The following LAMA2 variants were observed in gnomAD, a reference collection of about 807,000 sequenced individuals.
The protein encoded by LAMA2 is laminin subunit alpha-2.
A neutral mutation model predicts 364.8 loss-of-function variants in LAMA2; 269 were observed. The ratio of observed to expected loss-of-function variants is 0.74; its 90% CI spans 0.67 to 0.82. LAMA2 has a LOEUF of 0.82. Among genes scored for constraint, LAMA2 ranks in the 40% least tolerant of loss-of-function variants. The pLI, the probability that LAMA2 is intolerant of heterozygous loss-of-function variation, is 0.00. For synonymous variants in LAMA2, 1,379 were observed against 1,370.6 expected, an observed-to-expected ratio of 1.01 and a Z score of -0.14; for missense variants, 3,807 against 3,873.2, an observed-to-expected ratio of 0.98 and a Z score of 0.45.
chr6:129,302,912 G>A lies in LAMA2; in HGVS notation c.3174+2040G>A, dbSNP rs115685877. Among the ~76,000 whole-genome samples, 1,306 of 152,108 alleles carry A rather than the reference G, an allele frequency of 8.6e-3. 18 individuals carry two copies. The highest frequency in any genetic ancestry group is 0.03 in the African/African-American group (1,255 of 41,516). ...TGTAAATTCCTCAACCTCATTCATC[G>A]TTTCCAATACCTTTTGAGTACTTTA... On this transcript the variant is annotated intron_variant, in intron 22 of 64. Transcript: ENST00000421865.
chr6:129,300,916 T>G, intron 22 of LAMA2, 44 bp downstream of exon 22: 1 of 1,604,046 alleles, frequency 6.2e-7, no homozygotes, highest in East Asian at 2.2e-5. Flanking sequence ...TTGGAGAGAT[T>G]TTTGTTTTGT....
At chr6:129,124,703 TA>T (rs1174647272) in intron 4 of LAMA2, among the ~76,000 whole-genome samples, 11 of 152,170 alleles carry the variant, frequency 7.2e-5, no homozygotes, top group Non-Finnish European at 1.2e-4. Flanking sequence ...ATCTTTTTCA[TA>T]AAAAAAATTT....
At chr6:129,127,656 G>GT (rs1256790481) in intron 4 of LAMA2, among the ~76,000 whole-genome samples, 3 of 152,082 alleles carry the variant, frequency 2.0e-5, no homozygotes, top group East Asian at 1.9e-4. Context: ...CAAGGATTCT[G>GT]TTTTTTCCAT....
Position 129,312,905 on chromosome 6 carries a change from T to A in LAMA2, c.3219T>A (p.Asn1073Lys), listed in dbSNP as rs756883648. The A allele has an allele frequency of 6.2e-7, 1 of 1,614,172 alleles. No homozygotes were observed. The highest frequency in any genetic ancestry group is 2.2e-5 in the East Asian group (1 of 44,888). ...TGGGATCCTTGGATTTCCAATGCAA[T>A]GTAAATACAGGCCAATGCAACTGTC... ...STVGSLDFQC[N>K]VNTGQCNCHP... Residue 1073 changes from asparagine (N) to lysine (K), a missense_variant, in exon 23 of 65, where the codon AAT becomes AAA. Physicochemically the swap from Asn to Lys is moderately conservative, Grantham distance 94. Around this residue, in one of 3 missense-constraint regions of LAMA2, gnomAD observed 3,333 missense variants for 3,345.7 expected, o/e 1.00. Transcript: ENST00000421865.
chr6:129,149,882 T>C (rs139969448), intron 7 of LAMA2, among the ~76,000 whole-genome samples: 190 of 152,294 alleles, frequency 1.2e-3, no homozygotes, highest in Non-Finnish European at 1.8e-3. Flanking sequence ...TGATCTAAAG[T>C]GTACAGGAGG....
intron 29 of LAMA2, among the ~76,000 whole-genome samples, chr6:129,340,242 T>A (rs1174083645): frequency 6.6e-6 from 1 of 152,102 alleles, no homozygotes; most frequent in Non-Finnish European, 1.5e-5. Flanking sequence ...AATGTCTTTT[T>A]AAAAGCTTAT....
At chr6:129,191,858 TA>T (rs1781538975) in intron 11 of LAMA2, among the ~76,000 whole-genome samples, 1 of 152,360 alleles carries the variant, frequency 6.6e-6, no homozygotes, top group South Asian at 2.1e-4. Context: ...GCTGGTACCC[TA>T]AGCCCTCAGT....
intron 34 of LAMA2, among the ~76,000 whole-genome samples, chr6:129,379,548 C>T (rs1205248694): frequency 6.6e-6 from 1 of 152,106 alleles, no homozygotes; most frequent in Non-Finnish European, 1.5e-5. Flanking sequence ...AGCTCTTCTT[C>T]TGTGTTTAGA....
At position 129,465,147 on chromosome 6, in the gene LAMA2, A is replaced by T; in HGVS notation, c.7158A>T (p.Arg2386Ser). The stretch of plus-strand genomic sequence containing the variant: ...GGGTATGTTTACTCTATTAATAGAG[A>T]GATTTCATGAGTGTGGAGCTCACTG... ...LLMYLATRDL[R>S]DFMSVELTDG... The change falls in exon 51 of 65, where the codon AGA becomes AGT. Residue 2386 changes from arginine (R) to serine (S), a missense_variant and splice_region_variant. Coordinates refer to ENST00000421865, the MANE Select transcript of LAMA2 (RefSeq NM_000426.4). 2.5e-6 allele frequency: 4 copies of T among 1,609,048 alleles called. No homozygotes were observed. The highest frequency in any genetic ancestry group is 3.4e-6 in the Non-Finnish European group (4 of 1,176,004).
intron 51 of LAMA2, among the ~76,000 whole-genome samples, chr6:129,468,588 G>T (rs1783657895): frequency 6.6e-6 from 1 of 151,874 alleles, no homozygotes; most frequent in South Asian, 2.1e-4. Flanking sequence ...CTTACATAAA[G>T]TTGAAAAATG....
At chr6:128,901,042 A>T (rs1226416729) in intron 1 of LAMA2, among the ~76,000 whole-genome samples, 1 of 152,230 alleles carries the variant, frequency 6.6e-6, no homozygotes, top group East Asian at 1.9e-4. Context: ...CAGTGGTCCC[A>T]GCTACTCAGG....
At chr6:129,369,460 T>C (rs1378769877) in intron 33 of LAMA2, among the ~76,000 whole-genome samples, 2 of 152,024 alleles carry the variant, frequency 1.3e-5, no homozygotes, top group African/African-American at 4.8e-5. Context: ...TTCTCTTTTT[T>C]ACCTGTGATC....
Position 129,473,350 on chromosome 6 carries a change from G to A in LAMA2, c.7437G>A (p.Leu2479=). Residue 2479 remains leucine (L), a splice_region_variant and synonymous_variant, in exon 52 of 65, where the codon TTG becomes TTA. Coordinates refer to ENST00000421865, the MANE Select transcript of LAMA2 (RefSeq NM_000426.4). The stretch of plus-strand genomic sequence containing the variant: ...GTGGCCTGCCAACGCTGAGAAACTT[G>A]AGGTAATTTAGTTTATATGTAAAGC... The part of the protein sequence containing the change: ...YFGGLPTLRN[L]SMKARPEVNL... 6.2e-7 allele frequency: 1 copy of A among 1,612,096 alleles called. No homozygotes were observed. Among genetic ancestry groups the A allele is most frequent in the Non-Finnish European group, 8.5e-7 (1 of 1,178,676 alleles).
chr6:129,059,863 C>T lies in LAMA2; in HGVS notation c.363C>T (p.Tyr121=), dbSNP rs535635043. ...CCAGTATTAAGAATGGAATCGAATACCATTATGTGACAATTACCCTGGATT... is the reference window on the plus strand; with the variant it reads ...CCAGTATTAAGAATGGAATCGAATATCATTATGTGACAATTACCCTGGATT... ...QSPSIKNGIE[Y]HYVTITLDLQ... Residue 121 remains tyrosine, a synonymous_variant, in exon 3 of 65, where the codon TAC becomes TAT. Transcript: ENST00000421865. The T allele has an allele frequency of 6.2e-7, 1 of 1,601,084 alleles. No individual in the cohort carries two copies.
chr6:129,144,315 T>A (rs568434113), intron 5 of LAMA2, among the ~76,000 whole-genome samples: 1 of 152,122 alleles, frequency 6.6e-6, no homozygotes, highest in South Asian at 2.1e-4. Context: ...CATTTTAGCC[T>A]TCTCAAACTT....
intron 3 of LAMA2, among the ~76,000 whole-genome samples, chr6:129,074,391 T>C (rs577313554): frequency 7.9e-5 from 12 of 152,348 alleles, no homozygotes; most frequent in Admixed American, 7.8e-4. Flanking sequence ...GTTTATCTTC[T>C]TATCCTGTGA....
chr6:128,988,540 C>T (rs1368290858), intron 1 of LAMA2, among the ~76,000 whole-genome samples: 1 of 152,168 alleles, frequency 6.6e-6, no homozygotes, highest in Non-Finnish European at 1.5e-5. Flanking sequence ...ATGCTACTGT[C>T]AGCAAGAGAA....
intron 1 of LAMA2, among the ~76,000 whole-genome samples, chr6:128,895,087 AC>A (rs990397904): frequency 5.3e-5 from 8 of 152,210 alleles, no homozygotes; most frequent in African/African-American, 1.7e-4. Flanking sequence ...AAAAGCCAAA[AC>A]CACTTCAGTT....
Position 128,912,978 on chromosome 6 carries a change from AG to A in LAMA2, c.112+29624del, listed in dbSNP as rs374346055. ...CCAGAAAGGCAGATTAAGTTAAAAC[AG>A]GGTTGACAAATTGGGAGAACACAGG... On this transcript the variant is annotated intron_variant, in intron 1 of 64. Coordinates refer to ENST00000421865, the MANE Select transcript of LAMA2 (RefSeq NM_000426.4). 3.6e-3 allele frequency among the ~76,000 whole-genome samples: 551 copies of A among 152,330 alleles called. 4 individuals carry two copies. Among genetic ancestry groups the A allele is most frequent in the African/African-American group, 0.013 (533 of 41,562 alleles).
Sources: allele counts gnomAD v4.1 joint callset (sites outside exome capture counted in the v4.1 genomes callset), GRCh38; gene constraint gnomAD v4.1.1; regional missense constraint gnomAD v4.1.1; transcripts MANE v1.5; gene names NCBI Gene and HGNC (gene_info 2026-07-23, HGNC 2026-07-21).